The following CHDH variants were observed in gnomAD, a reference collection of about 807,000 sequenced individuals.
CHDH encodes choline dehydrogenase.
A neutral mutation model predicts 56.9 loss-of-function variants in CHDH; 43 were observed. The observed-to-expected ratio is 0.76, with a 90% CI of 0.59 to 0.97. The LOEUF (loss-of-function observed/expected upper bound fraction) is 0.97, where lower values mean the gene tolerates loss of function less well. Ranked by LOEUF, CHDH falls within the 50% of genes least tolerant of loss-of-function variation. The pLI, the probability that CHDH is intolerant of heterozygous loss-of-function variation, is 0.00. For synonymous variants in CHDH, 364 were observed against 348.5 expected, an observed-to-expected ratio of 1.04 and a Z score of -0.50; for missense variants, 816 against 821.1, an observed-to-expected ratio of 0.99 and a Z score of 0.08.
chr3:53,821,352 C>T (rs534345096), intron 5 of CHDH, among the ~76,000 whole-genome samples: 33 of 152,190 alleles, frequency 2.2e-4, no homozygotes, highest in Admixed American at 1.6e-3. Context: ...CCTGGTGACA[C>T]GCCCATGCCC....
At chr3:53,844,927 C>T (rs922757788) in intron 1 of CHDH, among the ~76,000 whole-genome samples, 7 of 152,236 alleles carry the variant, frequency 4.6e-5, no homozygotes, top group Admixed American at 3.9e-4. Flanking sequence ...CGCAGCAAGG[C>T]GGGTACTTGT....
chr3:53,843,766 C>T (rs1698756395), intron 1 of CHDH, among the ~76,000 whole-genome samples: 2 of 152,112 alleles, frequency 1.3e-5, no homozygotes. Context: ...GGGAGAAGGT[C>T]AGAAAATGTC....
At chr3:53,839,918 C>G (rs1251190073) in intron 2 of CHDH, among the ~76,000 whole-genome samples, 1 of 152,170 alleles carries the variant, frequency 6.6e-6, no homozygotes. Context: ...TGCAGCAACA[C>G]TGATGGAAAT....
chr3:53,834,704 G>A (rs1437658700), intron 2 of CHDH, among the ~76,000 whole-genome samples: 15 of 152,202 alleles, frequency 9.9e-5, no homozygotes, highest in Non-Finnish European at 1.5e-5. Context: ...AGAGTACTGA[G>A]GAAGCTTCCT....
chr3:53,838,802 A>C (rs1370828419), intron 2 of CHDH, among the ~76,000 whole-genome samples: 1 of 152,190 alleles, frequency 6.6e-6, no homozygotes, highest in African/African-American at 2.4e-5. Context: ...CTGGTATATA[A>C]AAATGCACTA....
At chr3:53,840,533 A>AC (rs1698639187) in intron 2 of CHDH, among the ~76,000 whole-genome samples, 1 of 151,506 alleles carries the variant, frequency 6.6e-6, no homozygotes, top group Non-Finnish European at 1.5e-5. Context: ...TCTCAAAAAA[A>AC]AAAAGTTATC....
intron 2 of CHDH, among the ~76,000 whole-genome samples, chr3:53,828,357 A>G (rs1295571207): frequency 6.6e-6 from 1 of 152,210 alleles, no homozygotes; most frequent in Non-Finnish European, 1.5e-5. Flanking sequence ...TTTATATATT[A>G]TGACACCAAA....
chr3:53,838,572 G>A (rs1698577230), intron 2 of CHDH, among the ~76,000 whole-genome samples: 1 of 152,226 alleles, frequency 6.6e-6, no homozygotes, highest in Non-Finnish European at 1.5e-5. Context: ...TCACATAGCA[G>A]CAAAAGAAAG....
At chr3:53,818,314 G>C in intron 8 of CHDH, 119 bp from the exon 9 acceptor site, 1 of 921,328 alleles carries the variant, frequency 1.1e-6, no homozygotes, top group Non-Finnish European at 1.6e-6. Flanking sequence ...TGGGGACAAA[G>C]TTCAGGGCCA....
intron 2 of CHDH, among the ~76,000 whole-genome samples, chr3:53,824,995 T>C (rs938817373): frequency 2.0e-5 from 3 of 152,134 alleles, no homozygotes; most frequent in Admixed American, 6.6e-5. Flanking sequence ...CCTCCTCCCG[T>C]CCACCGTTGC....
In CHDH at chr3:53,823,774, CGA is replaced by C. The variant is rs1419049921; in HGVS notation, c.233_234del (p.Leu78ArgfsTer156). The part of the protein sequence containing the change: ...LLLEAGPKDV[L>X]AGSKRLSWKI... ...TTCCACGAGAGCCGCTTGCTCCCCGCGAGCACGTCCTTGGGCCCGGCCTCCAG... is the reference window on the plus strand; with the variant it reads ...TTCCACGAGAGCCGCTTGCTCCCCGCGCACGTCCTTGGGCCCGGCCTCCAG... On this transcript the variant is annotated frameshift_variant, in exon 3 of 9. Transcript: ENST00000315251. LOFTEE classifies it high-confidence loss of function. 5.1e-6 allele frequency: 8 copies of C among 1,565,976 alleles called. No homozygotes were observed. The highest frequency in any genetic ancestry group is 2.7e-5 in the African/African-American group (2 of 73,692).
chr3:53,821,729 A>G lies in CHDH; in HGVS notation c.903T>C (p.Ser301=), dbSNP rs2095626939. 1.9e-6 allele frequency: 3 copies of G among 1,613,926 alleles called. No homozygotes were observed. The highest frequency in any genetic ancestry group is 3.3e-5 in the Admixed American group (2 of 60,006). The stretch of plus-strand genomic sequence containing the variant: ...TGCCAGAGAGCATGAGCAGCTGTGG[A>G]GAGTTGATGGCACCTCCACTCAGAA... ...EVILSGGAIN[S]PQLLMLSGIG... Residue 301 remains serine, a synonymous_variant, in exon 5 of 9, where the codon TCT becomes TCC. Coordinates refer to ENST00000315251, the MANE Select transcript of CHDH (RefSeq NM_018397.5).
At chr3:53,836,267 T>G (rs565923857) in intron 2 of CHDH, among the ~76,000 whole-genome samples, 1 of 152,026 alleles carries the variant, frequency 6.6e-6, no homozygotes, top group Non-Finnish European at 1.5e-5. Context: ...CAGGCCTCCA[T>G]CTCCCTAAGA....
At chr3:53,834,715 G>A (rs1006614608) in intron 2 of CHDH, among the ~76,000 whole-genome samples, 2 of 152,206 alleles carry the variant, frequency 1.3e-5, no homozygotes, top group African/African-American at 4.8e-5. Flanking sequence ...GAAGCTTCCT[G>A]AAAGGGCCCT....
At chr3:53,830,122 A>G (rs911733075) in intron 2 of CHDH, among the ~76,000 whole-genome samples, 2 of 152,168 alleles carry the variant, frequency 1.3e-5, no homozygotes, top group African/African-American at 4.8e-5. Context: ...GGAAGACCCA[A>G]TATTTTTATG....
intron 4 of CHDH, among the ~76,000 whole-genome samples, chr3:53,822,250 G>A (rs1433873171): frequency 6.6e-6 from 1 of 151,946 alleles, no homozygotes; most frequent in Non-Finnish European, 1.5e-5. Flanking sequence ...CTGGGGGAGA[G>A]CTCTGAATTA....
chr3:53,828,464 A>C (rs1698227492), intron 2 of CHDH, among the ~76,000 whole-genome samples: 1 of 152,254 alleles, frequency 6.6e-6, no homozygotes, highest in Non-Finnish European at 1.5e-5. Flanking sequence ...TTAATAGACA[A>C]GTCACAGACG....
intron 3 of CHDH, among the ~76,000 whole-genome samples, chr3:53,822,844 G>A (rs2095630356): frequency 1.3e-5 from 2 of 152,204 alleles, no homozygotes; most frequent in Non-Finnish European, 2.9e-5. Flanking sequence ...GGAGGCAGGT[G>A]GAAAAGTACC....
chr3:53,842,124 C>CAAA (rs57514436), intron 1 of CHDH, among the ~76,000 whole-genome samples: 2 of 137,968 alleles, frequency 1.4e-5, no homozygotes, highest in African/African-American at 5.3e-5. Context: ...CACTCTGTCT[C>CAAA]AAAAAAAAAA....
Sources: allele counts gnomAD v4.1 joint callset (sites outside exome capture counted in the v4.1 genomes callset), GRCh38; gene constraint gnomAD v4.1.1; transcripts MANE v1.5; gene names NCBI Gene and HGNC (gene_info 2026-07-23, HGNC 2026-07-21).